Variants in PCCA observed in about 807,000 individuals in gnomAD.
The protein encoded by PCCA is propionyl-CoA carboxylase alpha chain, mitochondrial.
A neutral mutation model predicts 101.3 loss-of-function variants in PCCA; 74 were observed. The observed-to-expected ratio is 0.73, with a 90% CI of 0.61 to 0.89. The LOEUF is 0.89. PCCA is among the 40% of genes least tolerant of loss of function. The probability of loss-of-function intolerance (pLI) is 0.00; values close to 1 mark genes in which losing one functional copy is unlikely to be tolerated. For synonymous variants in PCCA, 294 were observed against 313.6 expected (o/e 0.94, Z 0.66); for missense variants, 891 against 907.0 (o/e 0.98, Z 0.23).
At chr13:100,278,198 G>A (rs2063803838) in intron 12 of PCCA, among the ~76,000 whole-genome samples, 1 of 152,108 alleles carries the variant, frequency 6.6e-6, no homozygotes, top group Non-Finnish European at 1.5e-5. Flanking sequence ...CATGTTTTTG[G>A]TTAAAGTGAA....
At chr13:100,206,932 T>TA (rs1013427257) in intron 6 of PCCA, among the ~76,000 whole-genome samples, 2 of 152,218 alleles carry the variant, frequency 1.3e-5, no homozygotes, top group Non-Finnish European at 2.9e-5. Context: ...TTATGATACT[T>TA]ACCTCTTGCT....
intron 18 of PCCA, among the ~76,000 whole-genome samples, chr13:100,361,873 A>G (rs939204377): frequency 2.6e-5 from 4 of 151,862 alleles, no homozygotes; most frequent in African/African-American, 9.7e-5. Flanking sequence ...TACGACCTCT[A>G]CTCCCTAGAT....
chr13:100,499,398 G>GA (rs2085508262), intron 21 of PCCA, among the ~76,000 whole-genome samples: 2 of 152,246 alleles, frequency 1.3e-5, no homozygotes. Context: ...TTCTGATGTT[G>GA]ATGACTTTTA....
At chr13:100,249,927 A>G (rs2061655862) in intron 8 of PCCA, among the ~76,000 whole-genome samples, 2 of 152,128 alleles carry the variant, frequency 1.3e-5, no homozygotes, top group Non-Finnish European at 2.9e-5. Flanking sequence ...CTGTAACCTT[A>G]CTATAATTGC....
At chr13:100,121,421 A>G (rs564633930) in intron 4 of PCCA, among the ~76,000 whole-genome samples, 17 of 150,752 alleles carry the variant, frequency 1.1e-4, no homozygotes, top group Non-Finnish European at 2.4e-4. Context: ...TGGCCTCCCA[A>G]AGTGCTGGGA....
chr13:100,197,212 A>G (rs1291472991), intron 6 of PCCA, among the ~76,000 whole-genome samples: 1 of 151,944 alleles, frequency 6.6e-6, no homozygotes, highest in Non-Finnish European at 1.5e-5. Context: ...TTTTATTTTT[A>G]TATATTTATT....
intron 7 of PCCA, among the ~76,000 whole-genome samples, chr13:100,216,683 A>G (rs1166390197): frequency 6.6e-6 from 1 of 152,256 alleles, no homozygotes; most frequent in Non-Finnish European, 1.5e-5. Flanking sequence ...AAAGAAACCA[A>G]AAACCAAGAG....
At chr13:100,359,096 C>CAAAAAA (rs35233154) in intron 18 of PCCA, among the ~76,000 whole-genome samples, 2 of 103,742 alleles carry the variant, frequency 1.9e-5, no homozygotes, top group Admixed American at 1.2e-4. Context: ...CAAGACTCCT[C>CAAAAAA]AAAAAAAAAA....
At chr13:100,343,437 A>C (rs1378299159) in intron 18 of PCCA, among the ~76,000 whole-genome samples, 1 of 152,276 alleles carries the variant, frequency 6.6e-6, no homozygotes, top group African/African-American at 2.4e-5. Context: ...CTTATTCAGC[A>C]GTAACAAAGA....
At chr13:100,488,633 GT>G (rs1242466744) in intron 21 of PCCA, among the ~76,000 whole-genome samples, 7 of 62,586 alleles carry the variant, frequency 1.1e-4, no homozygotes, top group Non-Finnish European at 9.2e-5. Flanking sequence ...TTTTTGTTTT[GT>G]TTTTTTTTTG....
chr13:100,425,064 A>G (rs937338072), intron 19 of PCCA, among the ~76,000 whole-genome samples: 4 of 151,764 alleles, frequency 2.6e-5, no homozygotes, highest in Non-Finnish European at 5.9e-5. Context: ...CTTTTTTTGC[A>G]TATTCATGAA....
intron 2 of PCCA, among the ~76,000 whole-genome samples, chr13:100,108,766 G>A (rs927688368): frequency 6.6e-6 from 1 of 152,190 alleles, no homozygotes; most frequent in African/African-American, 2.4e-5. Flanking sequence ...TGATTTGTAT[G>A]CATATTCTTT....
chr13:100,425,816 A>G (rs769746234), intron 20 of PCCA, 85 bp downstream of exon 20: 209 of 854,358 alleles, frequency 2.4e-4, no homozygotes, highest in Non-Finnish European at 4.0e-4. Context: ...TTAGAGCTAT[A>G]GGAGGGAAAA....
intron 2 of PCCA, 107 bp downstream of exon 2, chr13:100,103,067 T>C: frequency 2.7e-6 from 2 of 750,336 alleles, no homozygotes. Context: ...GTTAAGGCTG[T>C]GTGGTCATTG....
chr13:100,154,738 A>G lies in PCCA; in HGVS notation c.301-241A>G, dbSNP rs562705900. The G allele has an allele frequency of 4.1e-5, 20 of 483,108 alleles. No homozygotes were observed. In the East Asian group the frequency reaches 7.4e-4, roughly 18 times the overall value. The allele number at this position is 483,108 out of a possible 1,614,324, so 29.9% of individuals were successfully genotyped here. The stretch of plus-strand genomic sequence containing the variant: ...TTGCTGTGATTTTACATAAAGAGAT[A>G]GGGGATATTATGGAAATTATTTGGT... On this transcript the variant is annotated intron_variant, in intron 4 of 23. Transcript: ENST00000376285.
chr13:100,505,827 C>T (rs552195978), intron 21 of PCCA, among the ~76,000 whole-genome samples: 126 of 143,726 alleles, frequency 8.8e-4, no homozygotes, highest in Non-Finnish European at 1.4e-3. Context: ...TGCCTGGGTG[C>T]CAGAGTGGTA....
intron 21 of PCCA, among the ~76,000 whole-genome samples, chr13:100,488,664 T>C (rs2084623821): frequency 6.7e-6 from 1 of 149,660 alleles, no homozygotes; most frequent in Non-Finnish European, 1.5e-5. Flanking sequence ...TTTAATTAGC[T>C]GGTGTGGTGG....
intron 17 of PCCA, among the ~76,000 whole-genome samples, chr13:100,337,953 C>T (rs2152748017): frequency 6.6e-6 from 1 of 152,352 alleles, no homozygotes. Flanking sequence ...GATAATTTGT[C>T]TTCCTGCACA....
chr13:100,151,421 A>G (rs748886776), intron 4 of PCCA, among the ~76,000 whole-genome samples: 1 of 152,092 alleles, frequency 6.6e-6, no homozygotes, highest in Non-Finnish European at 1.5e-5. Context: ...GAGAAACCCT[A>G]TCTCTACTAA....
Sources: allele counts gnomAD v4.1 joint callset (sites outside exome capture counted in the v4.1 genomes callset), GRCh38; gene constraint gnomAD v4.1.1; transcripts MANE v1.5; gene names NCBI Gene and HGNC (gene_info 2026-07-23, HGNC 2026-07-21).